PTPRD: variants seen among roughly 807,000 people sequenced by gnomAD.
PTPRD encodes protein tyrosine phosphatase receptor type D.
PTPRD carries 34 observed loss-of-function variants against 214.5 expected under a neutral mutation model. The ratio of observed to expected loss-of-function variants is 0.16; its 90% CI spans 0.12 to 0.21. PTPRD has a LOEUF of 0.21. Ranked by LOEUF, PTPRD falls within the 10% of genes least tolerant of loss-of-function variation. The pLI is 1.00. For missense variants in PTPRD, 2,545 were observed against 2,398.7 expected (o/e 1.06, Z -1.27); for synonymous variants, 1,128 against 845.7 (o/e 1.33, Z -5.79).
At chr9:9,035,709 T>C (rs1011511276) in intron 10 of PTPRD, among the ~76,000 whole-genome samples, 7 of 152,112 alleles carry the variant, frequency 4.6e-5, no homozygotes, top group African/African-American at 1.7e-4. Flanking sequence ...ATCTTGAAAA[T>C]ATGTGTGTAA....
chr9:10,271,592 G>C (rs924911318), intron 3 of PTPRD, among the ~76,000 whole-genome samples: 1 of 143,752 alleles, frequency 7.0e-6, no homozygotes, highest in Non-Finnish European at 1.5e-5. Context: ...GCCCAGACCA[G>C]AGTGCGGTGG....
intron 3 of PTPRD, among the ~76,000 whole-genome samples, chr9:10,222,839 T>TA (rs2099575742): frequency 6.6e-6 from 1 of 151,984 alleles, no homozygotes; most frequent in Admixed American, 6.6e-5. Flanking sequence ...GAAGGAAACT[T>TA]ACTCCATCCC....
In PTPRD at chr9:9,783,622, C is replaced by A. The variant is rs1028812743; in HGVS notation, c.-367-16771G>T. On this transcript the variant is annotated intron_variant, in intron 5 of 45. Coordinates refer to ENST00000381196, the MANE Select transcript of PTPRD (RefSeq NM_002839.4). The stretch of plus-strand genomic sequence containing the variant: ...CAGAATAAAATACAGTTGGAGAAAT[C>A]CAAGGAAGTCATAATAAAGAGCACA... 2.6e-5 allele frequency among the ~76,000 whole-genome samples: 4 copies of A among 151,986 alleles called. No homozygotes were observed. In the East Asian group the frequency reaches 7.7e-4, roughly 29 times the overall value.
intron 2 of PTPRD, among the ~76,000 whole-genome samples, chr9:10,459,350 G>T (rs574643442): frequency 1.3e-5 from 2 of 151,996 alleles, no homozygotes; most frequent in Non-Finnish European, 2.9e-5. Context: ...GAATTGTGCC[G>T]CAATAGACAT....
chr9:9,099,538 T>C (rs574684596), intron 10 of PTPRD, among the ~76,000 whole-genome samples: 1 of 152,304 alleles, frequency 6.6e-6, no homozygotes, highest in East Asian at 1.9e-4. Context: ...TTCTTCAGTG[T>C]CAAAGCCCAT....
chr9:9,820,304 T>C (rs2050256061), intron 5 of PTPRD, among the ~76,000 whole-genome samples: 1 of 152,152 alleles, frequency 6.6e-6, no homozygotes, highest in Non-Finnish European at 1.5e-5. Flanking sequence ...AAGTGTCTGT[T>C]CTTATATTTT....
chr9:9,631,675 C>T lies in PTPRD; in HGVS notation c.-286-56894G>A, dbSNP rs145284464. 8.5e-5 allele frequency among the ~76,000 whole-genome samples: 13 copies of T among 152,224 alleles called. No individual in the cohort carries two copies. In the East Asian group the frequency reaches 2.5e-3, roughly 29 times the overall value. On this transcript the variant is annotated intron_variant, in intron 7 of 45. Coordinates refer to ENST00000381196, the MANE Select transcript of PTPRD (RefSeq NM_002839.4). ...CATAGGGAAAGGAGCAAGTTGCCCT[C>T]TCTATATTCTAAGTGCATCTTCTCC...
chr9:10,426,176 T>C (rs1452715288), intron 2 of PTPRD, among the ~76,000 whole-genome samples: 1 of 152,010 alleles, frequency 6.6e-6, no homozygotes, highest in Non-Finnish European at 1.5e-5. Flanking sequence ...TATTTTAGCT[T>C]GGTGTTATTC....
intron 2 of PTPRD, among the ~76,000 whole-genome samples, chr9:10,500,405 T>C (rs1315109481): frequency 6.6e-6 from 1 of 151,894 alleles, no homozygotes; most frequent in African/African-American, 2.4e-5. Flanking sequence ...TTGATTCTTT[T>C]GTTAATTTTT....
intron 8 of PTPRD, among the ~76,000 whole-genome samples, chr9:9,446,844 A>G (rs544296803): frequency 1.3e-5 from 2 of 152,314 alleles, no homozygotes; most frequent in East Asian, 3.9e-4. Context: ...CACATTAAAA[A>G]TTGGGCAAAG....
intron 11 of PTPRD, among the ~76,000 whole-genome samples, chr9:8,760,160 A>G (rs2094319856): frequency 6.6e-6 from 1 of 152,138 alleles, no homozygotes; most frequent in African/African-American, 2.4e-5. Context: ...CAAACTCCTG[A>G]CCTCAGGTGA....
In PTPRD at chr9:9,610,691, G is replaced by T. The variant is rs141607744; in HGVS notation, c.-286-35910C>A. Among the ~76,000 whole-genome samples, 75 of 152,174 alleles carry T rather than the reference G, an allele frequency of 4.9e-4. No individual in the cohort carries two copies. In the East Asian group the frequency reaches 0.014, roughly 29 times the overall value. On this transcript the variant is annotated intron_variant, in intron 7 of 45. Transcript: ENST00000381196. ...TCTGAGATTTATGAAGACAGTATTGGTTAAGCAGCATTTTAACTAGTATAA... is the reference window on the plus strand; with the variant it reads ...TCTGAGATTTATGAAGACAGTATTGTTTAAGCAGCATTTTAACTAGTATAA...
At chr9:10,188,340 T>C (rs2099347239) in intron 3 of PTPRD, among the ~76,000 whole-genome samples, 2 of 152,152 alleles carry the variant, frequency 1.3e-5, no homozygotes, top group Admixed American at 1.3e-4. Context: ...AAATAATATA[T>C]AAATTATTAG....
chr9:9,566,375 C>G (rs751343130), intron 8 of PTPRD, among the ~76,000 whole-genome samples: 71 of 151,898 alleles, frequency 4.7e-4, no homozygotes, highest in Admixed American at 1.9e-3. Context: ...ATTAATTACT[C>G]AAGAGCACAG....
At chr9:10,284,025 G>A (rs961875268) in intron 3 of PTPRD, among the ~76,000 whole-genome samples, 2 of 152,070 alleles carry the variant, frequency 1.3e-5, no homozygotes, top group African/African-American at 4.8e-5. Context: ...TTTCTTAATT[G>A]AAAAAGAAAT....
At chr9:10,424,251 G>A (rs1389360891) in intron 2 of PTPRD, among the ~76,000 whole-genome samples, 3 of 151,362 alleles carry the variant, frequency 2.0e-5, no homozygotes, top group Non-Finnish European at 4.4e-5. Context: ...ATAAGCATTG[G>A]CCAAAAAAAG....
chr9:8,477,872 A>G lies in PTPRD; in HGVS notation c.3413+6247T>C, dbSNP rs144943606. ...GCACAGAGGCAGGGCTGTGGTTCAGAACATAGGCTCTGGAGCCAGACTGCC... is the reference window on the plus strand; with the variant it reads ...GCACAGAGGCAGGGCTGTGGTTCAGGACATAGGCTCTGGAGCCAGACTGCC... On this transcript the variant is annotated intron_variant, in intron 30 of 45. Transcript: ENST00000381196. 2.2e-3 allele frequency among the ~76,000 whole-genome samples: 331 copies of G among 152,334 alleles called. 3 individuals are homozygous for G. The highest frequency in any genetic ancestry group is 7.6e-3 in the African/African-American group (318 of 41,584).
At chr9:9,143,674 C>T (rs889150106) in intron 10 of PTPRD, among the ~76,000 whole-genome samples, 1 of 152,142 alleles carries the variant, frequency 6.6e-6, no homozygotes, top group Non-Finnish European at 1.5e-5. Context: ...CATTCACAAA[C>T]TTTGTATGTT....
At chr9:8,949,262 T>G (rs1741179981) in intron 11 of PTPRD, among the ~76,000 whole-genome samples, 1 of 151,374 alleles carries the variant, frequency 6.6e-6, no homozygotes, top group African/African-American at 2.4e-5. Flanking sequence ...GTTTCTATCA[T>G]GAAATAAAAC....
Sources: allele counts gnomAD v4.1 joint callset (sites outside exome capture counted in the v4.1 genomes callset), GRCh38; gene constraint gnomAD v4.1.1; transcripts MANE v1.5; gene names NCBI Gene and HGNC (gene_info 2026-07-23, HGNC 2026-07-21).